FAM222B: variants seen among roughly 807,000 people sequenced by gnomAD.
The protein encoded by FAM222B is protein FAM222B.
Under a neutral mutation model 38.0 loss-of-function variants are expected in FAM222B, and 12 were observed. The observed-to-expected ratio is 0.32, with a 90% CI of 0.20 to 0.51. The LOEUF is 0.51. FAM222B is among the 20% of genes least tolerant of loss of function. The pLI, the probability that FAM222B is intolerant of heterozygous loss-of-function variation, is 0.97. For missense variants in FAM222B, 716 were observed against 754.2 expected (o/e 0.95, Z 0.59); for synonymous variants, 329 against 317.2 (o/e 1.04, Z -0.40).
At chr17:28,787,568 G>GC (rs35826895) in intron 1 of FAM222B, among the ~76,000 whole-genome samples, 28,729 of 152,012 alleles carry the variant, frequency 0.19, 2,859 homozygotes, top group South Asian at 0.3. Flanking sequence ...AGGCTGCTAA[G>GC]CTTAAAGGGG....
Position 28,811,212 on chromosome 17 carries a change from G to A in FAM222B, c.-41+31470C>T, listed in dbSNP as rs376559461. On this transcript the variant is annotated intron_variant, in intron 1 of 2. Transcript: ENST00000581407. ...TCCCAGCACTTTGGGAGGCCGAGGC[G>A]GGTGGATCACGAGGTCAGGATATCA... Among the ~76,000 whole-genome samples the A allele has an allele frequency of 3.9e-5, 6 of 152,204 alleles. No individual in the cohort carries two copies. In the East Asian group the frequency reaches 9.6e-4, roughly 24 times the overall value.
In FAM222B at chr17:28,790,884, CTTTTTTTTTTTT is replaced by C. The variant is rs60664262; in HGVS notation, c.-40-24189_-40-24178del. 4.8e-3 allele frequency among the ~76,000 whole-genome samples: 411 copies of C among 86,102 alleles called. 38 individuals carry two copies. The South Asian group carries it at 0.059, about 12-fold the overall frequency. The allele number at this position is 86,102 out of a possible 152,430, so 56.5% of individuals were successfully genotyped here. ...GTTCTATATATTTCAAATTGTTTCA[CTTTTTTTTTTTT>C]TTTTTTTTTTTTTTTTTTTAGAGAC... On this transcript the variant is annotated intron_variant, in intron 1 of 2. Transcript: ENST00000581407.
intron 1 of FAM222B, among the ~76,000 whole-genome samples, chr17:28,784,119 T>C (rs1260858912): frequency 3.3e-5 from 5 of 151,962 alleles, no homozygotes; most frequent in South Asian, 2.1e-4. Context: ...ATTTTGAAGA[T>C]TAAATTTGGG....
chr17:28,813,762 G>A lies in FAM222B; in HGVS notation c.-41+28920C>T, dbSNP rs1055091968. On this transcript the variant is annotated intron_variant, in intron 1 of 2. Transcript: ENST00000581407. ...GGGGTTTCACTGTGTTAGCCAGGACGGTCTCGATCTCCTGACGTCGTGATC... is the reference window on the plus strand; with the variant it reads ...GGGGTTTCACTGTGTTAGCCAGGACAGTCTCGATCTCCTGACGTCGTGATC... Among the ~76,000 whole-genome samples, 6 of 150,898 alleles carry A rather than the reference G, an allele frequency of 4.0e-5. No homozygotes were observed. In the East Asian group the frequency reaches 7.8e-4, roughly 20 times the overall value.
chr17:28,805,059 A>G (rs2151910915), intron 1 of FAM222B, among the ~76,000 whole-genome samples: 1 of 151,776 alleles, frequency 6.6e-6, no homozygotes, highest in African/African-American at 2.4e-5. Context: ...AAAAAAAAAA[A>G]GAAAGAAACT....
At chr17:28,813,930 C>G (rs2037914478) in intron 1 of FAM222B, among the ~76,000 whole-genome samples, 1 of 151,826 alleles carries the variant, frequency 6.6e-6, no homozygotes, top group Non-Finnish European at 1.5e-5. Flanking sequence ...AGAAAACTGG[C>G]CGGGCGCGGT....
At chr17:28,844,993 C>A (rs1222135154), upstream of FAM222B, among the ~76,000 whole-genome samples, 1 of 151,964 alleles carries the variant, frequency 6.6e-6, no homozygotes, top group African/African-American at 2.4e-5. Flanking sequence ...GTCCCAGCTA[C>A]TCAGGAGGCT....
At chr17:28,785,780 C>T (rs1043056924) in intron 1 of FAM222B, among the ~76,000 whole-genome samples, 22 of 151,800 alleles carry the variant, frequency 1.4e-4, no homozygotes, top group Middle Eastern at 3.4e-3. Context: ...GCAATCTCAG[C>T]TTACTGCAAC....
intron 1 of FAM222B, among the ~76,000 whole-genome samples, chr17:28,847,804 C>T (rs1211613066): frequency 6.6e-6 from 1 of 151,594 alleles, no homozygotes. Flanking sequence ...GTCCCAGCTA[C>T]TCCGGAGGCT....
intron 1 of FAM222B, among the ~76,000 whole-genome samples, chr17:28,792,070 G>A (rs576822823): frequency 6.6e-6 from 1 of 151,468 alleles, no homozygotes; most frequent in East Asian, 2.0e-4. Flanking sequence ...CCAGCACTTT[G>A]GGAGGCCAAG....
At chr17:28,787,364 C>G (rs2036462115) in intron 1 of FAM222B, among the ~76,000 whole-genome samples, 1 of 152,158 alleles carries the variant, frequency 6.6e-6, no homozygotes, top group East Asian at 1.9e-4. Context: ...CCTCCCCCAG[C>G]CTGAGTATGG....
At chr17:28,831,732 C>G (rs946713598) in intron 1 of FAM222B, among the ~76,000 whole-genome samples, 1 of 151,252 alleles carries the variant, frequency 6.6e-6, no homozygotes, top group African/African-American at 2.4e-5. Flanking sequence ...GGTCTCGAAC[C>G]CTGGGAACTC....
intron 1 of FAM222B, among the ~76,000 whole-genome samples, chr17:28,824,247 C>T (rs1037432701): frequency 4.6e-5 from 7 of 150,836 alleles, no homozygotes; most frequent in Admixed American, 4.0e-4. Flanking sequence ...TGCAATGGCA[C>T]AATCACAGCT....
Position 28,756,024 on chromosome 17 carries a change from C to T in FAM222B, c.*2246G>A, listed in dbSNP as rs1009438835. 1 of 152,530 alleles carries T rather than the reference C, an allele frequency of 6.6e-6. No homozygotes were observed. Among genetic ancestry groups the T allele is most frequent in the Non-Finnish European group, 1.5e-5 (1 of 68,028 alleles). 9.4% of individuals were successfully genotyped at this position (152,530 alleles called of 1,614,324 possible). On this transcript the variant is annotated 3_prime_UTR_variant, in exon 3 of 3. Transcript: ENST00000581407. Reference sequence around the variant, plus strand: ...TGGTTTATAATAATCTTAAAAACCCCATCACACCCATAAACCACCACAGGT... The same window carrying T: ...TGGTTTATAATAATCTTAAAAACCCTATCACACCCATAAACCACCACAGGT...
At chr17:28,800,349 T>C (rs531479620) in intron 1 of FAM222B, among the ~76,000 whole-genome samples, 3 of 152,308 alleles carry the variant, frequency 2.0e-5, no homozygotes, top group Admixed American at 6.5e-5. Context: ...TCTTAACTAG[T>C]TGTGAGGAAC....
intron 1 of FAM222B, chr17:28,777,104 T>G (rs1036689553): frequency 6.6e-6 from 1 of 152,164 alleles, no homozygotes; most frequent in Non-Finnish European, 1.5e-5. Flanking sequence ...TTTAACTCAA[T>G]AGGGGACCGT....
intron 1 of FAM222B, among the ~76,000 whole-genome samples, chr17:28,781,165 G>C (rs563302164): frequency 2.2e-4 from 34 of 152,198 alleles, no homozygotes; most frequent in African/African-American, 7.5e-4. Context: ...GGGCATGGTG[G>C]CTCACACCTG....
chr17:28,785,537 GGAT>G lies in FAM222B; in HGVS notation c.-40-18833_-40-18831del, dbSNP rs199786004. Among the ~76,000 whole-genome samples, 538 of 152,162 alleles carry G rather than the reference GGAT, an allele frequency of 3.5e-3. 5 individuals are homozygous for G. The highest frequency in any genetic ancestry group is 0.017 in the East Asian group (87 of 5,174). On this transcript the variant is annotated intron_variant, in intron 1 of 2. Coordinates refer to ENST00000581407, the MANE Select transcript of FAM222B (RefSeq NM_001077498.3). ...TTGATGATGATGATGATGAGGATGA[GGAT>G]GATATTATTTTTGAGACAGAGTTTC...
chr17:28,789,217 G>A (rs1218502952), intron 1 of FAM222B, among the ~76,000 whole-genome samples: 1 of 141,652 alleles, frequency 7.1e-6, no homozygotes, highest in African/African-American at 2.6e-5. Flanking sequence ...TTTTTTTTGA[G>A]ATGGAGTCTC....
Sources: gnomAD v4.1 joint callset for allele counts (sites outside exome capture counted in the v4.1 genomes callset) on GRCh38, gnomAD v4.1.1 for gene constraint, MANE v1.5 for transcripts, NCBI Gene and HGNC (gene_info 2026-07-23, HGNC 2026-07-21) for gene names.